TRIM25: variants seen among roughly 807,000 people sequenced by gnomAD.
TRIM25 encodes tripartite motif containing 25, also known as E3 ubiquitin/ISG15 ligase TRIM25.
TRIM25 carries 45 observed loss-of-function variants against 65.2 expected under a neutral mutation model. The ratio of observed to expected loss-of-function variants is 0.69; its 90% CI spans 0.54 to 0.89. The LOEUF (loss-of-function observed/expected upper bound fraction) is 0.89, where lower values mean the gene tolerates loss of function less well. TRIM25 is among the 40% of genes least tolerant of loss of function. The probability of loss-of-function intolerance (pLI) is 0.00; values close to 1 mark genes in which losing one functional copy is unlikely to be tolerated. For missense variants in TRIM25, 714 were observed against 803.7 expected (o/e 0.89, Z 1.35); for synonymous variants, 321 against 340.4 (o/e 0.94, Z 0.63).
chr17:56,899,698 C>G (rs966746963), intron 4 of TRIM25, among the ~76,000 whole-genome samples: 6 of 152,230 alleles, frequency 3.9e-5, no homozygotes, highest in African/African-American at 1.4e-4. Flanking sequence ...GCAGGCCAAG[C>G]TGAGATTCAA....
intron 4 of TRIM25, among the ~76,000 whole-genome samples, chr17:56,899,538 G>A (rs1280457102): frequency 1.9e-4 from 29 of 152,134 alleles, no homozygotes. Context: ...GTCATGTAGC[G>A]GAGGCTGGGT....
In TRIM25 at chr17:56,899,183, G is replaced by A; in HGVS notation, c.1088-3C>T. 1 of 1,614,170 alleles carries A rather than the reference G, an allele frequency of 6.2e-7. No individual in the cohort carries two copies. The highest frequency in any genetic ancestry group is 2.2e-5 in the East Asian group (1 of 44,874). ...TGGGTCATGCTCTCCAGGGTCACCT[G>A]TGTCAGAGAAGAAGGGCTCAGTGTG... On this transcript the variant is annotated splice_region_variant and splice_polypyrimidine_tract_variant and intron_variant, in intron 4 of 8. Transcript: ENST00000316881.
At position 56,889,703 on chromosome 17, in the gene TRIM25, C is replaced by T. The variant is rs1014281862; in HGVS notation, c.*1997G>A. 3.3e-5 allele frequency: 13 copies of T among 398,580 alleles called. No homozygotes were observed. Among genetic ancestry groups the T allele is most frequent in the African/African-American group, 2.5e-4 (12 of 48,742 alleles). 24.7% of individuals were successfully genotyped at this position (398,580 alleles called of 1,614,324 possible). ...TCATTTCTGCAGAAGAGAGCCAGAG[C>T]AGGAGCCATGGATTTATCTCTGGCA... On this transcript the variant is annotated 3_prime_UTR_variant, in exon 9 of 9. Coordinates refer to ENST00000316881, the MANE Select transcript of TRIM25 (RefSeq NM_005082.5).
intron 2 of TRIM25, among the ~76,000 whole-genome samples, chr17:56,908,070 G>A (rs1036779773): frequency 6.6e-6 from 1 of 152,286 alleles, no homozygotes; most frequent in African/African-American, 2.4e-5. Flanking sequence ...CATTTCTGTT[G>A]TTGTAAGCCA....
At chr17:56,902,113 T>G (rs760783743) in intron 3 of TRIM25, among the ~76,000 whole-genome samples, 4 of 152,144 alleles carry the variant, frequency 2.6e-5, no homozygotes, top group Non-Finnish European at 5.9e-5. Context: ...AGATGTGCAC[T>G]CAGATCCTTC....
At chr17:56,904,529 A>G in intron 2 of TRIM25, 41 bp from the exon 3 acceptor site, 1 of 1,585,250 alleles carries the variant, frequency 6.3e-7, no homozygotes, top group African/African-American at 1.3e-5. Context: ...CAAAGGGGCA[A>G]AAGTGCTAAG....
At chr17:56,903,563 C>T (rs762049415) in intron 3 of TRIM25, among the ~76,000 whole-genome samples, 4 of 152,124 alleles carry the variant, frequency 2.6e-5, no homozygotes, top group African/African-American at 4.8e-5. Context: ...CTCAAGCCCC[C>T]GACCCCGACT....
chr17:56,889,188 A>C lies in TRIM25; in HGVS notation c.*2512T>G, dbSNP rs1021907771. The C allele has an allele frequency of 6.6e-6, 1 of 152,214 alleles. No individual in the cohort carries two copies. The highest frequency in any genetic ancestry group is 1.5e-5 in the Non-Finnish European group (1 of 68,046). The allele number at this position is 152,214 out of a possible 1,614,324, so 9.4% of individuals were successfully genotyped here. A position where few individuals can be genotyped will look rare whatever the true frequency, so the allele number is the denominator to read the frequency against. On this transcript the variant is annotated 3_prime_UTR_variant, in exon 9 of 9. Coordinates refer to ENST00000316881, the MANE Select transcript of TRIM25 (RefSeq NM_005082.5). ...AGCTACCACATCTTGAAAAATACAA[A>C]GACTTGATCCTAACCTTTTATTTAT... is the stretch of plus-strand genomic sequence containing the variant.
rs1178057534 is a variant in TRIM25 at position 56,889,689 on chromosome 17, G to A, written c.*2011C>T. 3 of 398,426 alleles carry A rather than the reference G, an allele frequency of 7.5e-6. No individual in the cohort carries two copies. The highest frequency in any genetic ancestry group is 1.3e-4 in the South Asian group (1 of 7,838). 24.7% of individuals were successfully genotyped at this position (398,426 alleles called of 1,614,324 possible). ...CCTCACTGTTGCCCTCATTTCTGCAGAAGAGAGCCAGAGCAGGAGCCATGG... is the reference window on the plus strand; with the variant it reads ...CCTCACTGTTGCCCTCATTTCTGCAAAAGAGAGCCAGAGCAGGAGCCATGG... On this transcript the variant is annotated 3_prime_UTR_variant, in exon 9 of 9. Transcript: ENST00000316881.
At chr17:56,909,845 C>A (rs1482951444) in intron 1 of TRIM25, among the ~76,000 whole-genome samples, 1 of 152,178 alleles carries the variant, frequency 6.6e-6, no homozygotes, top group Non-Finnish European at 1.5e-5. Flanking sequence ...ATCTGAGTCT[C>A]CTACCTCCCT....
chr17:56,904,447 G>T lies in TRIM25; in HGVS notation c.735C>A (p.Tyr245Ter). ...NRKVEQLQQEYTEMKALLDAS... is the reference protein window; with the variant it reads ...NRKVEQLQQE ...CGTCCAAGAGAGCCTTCATTTCCGT[G>T]TATTCTTGTTGTAGCTGCTCCACCT... The change falls in exon 3 of 9, where the codon TAC becomes TAA. Residue 245 changes from tyrosine to a stop codon, truncating the protein, a stop_gained. Transcript: ENST00000316881. LOFTEE classifies it high-confidence loss of function. 6.2e-7 allele frequency: 1 copy of T among 1,614,132 alleles called. No homozygotes were observed. The highest frequency in any genetic ancestry group is 8.5e-7 in the Non-Finnish European group (1 of 1,180,028).
At chr17:56,895,480 C>T (rs943370243) in intron 7 of TRIM25, 39 bp from the exon 8 acceptor site, 4 of 1,613,920 alleles carry the variant, frequency 2.5e-6, no homozygotes, top group Non-Finnish European at 3.4e-6. Context: ...AGAACAAACT[C>T]AGAGTGGACA....
At chr17:56,896,270 G>T (rs934668695) in intron 5 of TRIM25, among the ~76,000 whole-genome samples, 1 of 151,678 alleles carries the variant, frequency 6.6e-6, no homozygotes, top group Non-Finnish European at 1.5e-5. Context: ...AAGATTTACT[G>T]CAGGGAAAAA....
In TRIM25 at chr17:56,913,250, C is replaced by T; in HGVS notation, c.597+142G>A. On this transcript the variant is annotated intron_variant, in intron 1 of 8. Transcript: ENST00000316881. The surrounding 1 kb of genome is among the most constrained non-coding windows in gnomAD (Gnocchi z 6.1). ...TATATAATCTCCCATCCCCTTTCTA[C>T]TCTGACATTGGAGATGCCCCGGCCT... is the stretch of plus-strand genomic sequence containing the variant. The T allele has an allele frequency of 1.5e-6, 1 of 668,334 alleles. No homozygotes were observed. Among genetic ancestry groups the T allele is most frequent in the Non-Finnish European group, 2.4e-6 (1 of 416,890 alleles). 41.4% of individuals were successfully genotyped at this position (668,334 alleles called of 1,614,324 possible).
Position 56,908,567 on chromosome 17 carries a change from C to A in TRIM25, c.598-4G>T. On this transcript the variant is annotated splice_polypyrimidine_tract_variant and splice_region_variant and intron_variant, in intron 1 of 8. Transcript: ENST00000316881. ...TTAGTTTGTGCCTCAGGGTGGCCTG[C>A]AGGGAAAACAAATGAGGTTGAGAAT... 2.5e-6 allele frequency: 4 copies of A among 1,613,352 alleles called. No individual in the cohort carries two copies. Among genetic ancestry groups the A allele is most frequent in the Non-Finnish European group, 3.4e-6 (4 of 1,179,982 alleles).
intron 2 of TRIM25, among the ~76,000 whole-genome samples, chr17:56,905,355 C>T (rs1000251674): frequency 2.6e-5 from 4 of 152,180 alleles, no homozygotes; most frequent in Middle Eastern, 3.4e-3. Context: ...CACAGCGAGA[C>T]GCTATCTCAA....
chr17:56,893,219 C>G (rs188095040), intron 8 of TRIM25, among the ~76,000 whole-genome samples: 1 of 149,878 alleles, frequency 6.7e-6, no homozygotes, highest in Admixed American at 6.6e-5. Context: ...GGGAGCCAAG[C>G]GAGGCACTCA....
At chr17:56,901,240 A>G (rs1909404360) in intron 4 of TRIM25, among the ~76,000 whole-genome samples, 179 bp downstream of exon 4, 1 of 152,184 alleles carries the variant, frequency 6.6e-6, no homozygotes, top group Non-Finnish European at 1.5e-5. Flanking sequence ...AGATCCTAAA[A>G]TGTCAGGATG....
Position 56,913,966 on chromosome 17 carries a change from G to T in TRIM25, c.23C>A (p.Ala8Asp). The T allele has an allele frequency of 6.3e-7, 1 of 1,578,558 alleles. No individual in the cohort carries two copies. Among genetic ancestry groups the T allele is most frequent in the Non-Finnish European group, 8.6e-7 (1 of 1,160,034 alleles). The change falls in exon 1 of 9, where the codon GCC becomes GAC. Residue 8 changes from alanine (A) to aspartate (D), a missense_variant. This residue lies in a region of TRIM25 where 291 missense variants were observed against 281.8 expected (regional missense o/e 1.03). Coordinates refer to ENST00000316881, the MANE Select transcript of TRIM25 (RefSeq NM_005082.5). The surrounding 1 kb of genome is among the most constrained non-coding windows in gnomAD (Gnocchi z 6.1). The part of the protein sequence containing the change: MAELCPL[A>D]EELSCSICLE... ...GCAGATGGAGCACGACAGCTCCTCG[G>T]CCAGGGGGCACAGCTCTGCCATGGC...
Sources: allele counts gnomAD v4.1 joint callset (sites outside exome capture counted in the v4.1 genomes callset), GRCh38; gene constraint gnomAD v4.1.1; regional missense constraint gnomAD v4.1.1; non-coding constraint Gnocchi (gnomAD v3.1); transcripts MANE v1.5; gene names NCBI Gene and HGNC (gene_info 2026-07-23, HGNC 2026-07-21).